Variants in SHROOM4 observed in about 807,000 individuals in gnomAD.
The protein encoded by SHROOM4 is protein Shroom4.
In SHROOM4, 17 loss-of-function variants were observed where a neutral mutation model predicts 80.3. The ratio of observed to expected loss-of-function variants is 0.21; its 90% CI spans 0.14 to 0.32. SHROOM4 has a LOEUF of 0.32. SHROOM4 is among the 10% of genes least tolerant of loss of function. The probability of loss-of-function intolerance (pLI) is 1.00; values close to 1 mark genes in which losing one functional copy is unlikely to be tolerated. For missense variants in SHROOM4, 993 were observed against 1,140.3 expected, an observed-to-expected ratio of 0.87 and a Z score of 1.86; for synonymous variants, 400 against 437.5, an observed-to-expected ratio of 0.91 and a Z score of 1.07.
chrX:50,610,806 C>T (rs1929934312), intron 5 of SHROOM4, among the ~76,000 whole-genome samples: 1 of 112,157 alleles, frequency 8.9e-6, no homozygotes, highest in Non-Finnish European at 1.9e-5. Context: ...ACAACTAGAA[C>T]ACATGATGGT....
intron 2 of SHROOM4, among the ~76,000 whole-genome samples, chrX:50,683,175 T>C (rs1932979347): frequency 9.0e-6 from 1 of 111,282 alleles, no homozygotes; most frequent in Non-Finnish European, 1.9e-5. Flanking sequence ...TTTATATATA[T>C]GTGTGTGTGC....
chrX:50,608,204 T>C lies in SHROOM4; in HGVS notation c.2958-20A>G, dbSNP rs370038398. 112 of 1,205,620 alleles carry C rather than the reference T, an allele frequency of 9.3e-5. No individual in the cohort carries two copies. In the African/African-American group the frequency reaches 1.7e-3, roughly 19 times the overall value. On this transcript the variant is annotated intron_variant, in intron 5 of 8. Transcript: ENST00000376020. ...ATTTCCCTGCAAAACATCAGATGAG[T>C]ACTGAGAAAAACAAGCAAGTTGCAG...
intron 1 of SHROOM4, among the ~76,000 whole-genome samples, chrX:50,768,201 T>C (rs1935317326): frequency 8.9e-6 from 1 of 112,251 alleles, no homozygotes; most frequent in African/African-American, 3.2e-5. Flanking sequence ...ATATAGAGGC[T>C]AATATAAACA....
At chrX:50,607,212 A>T (rs1557248660) in intron 6 of SHROOM4, among the ~76,000 whole-genome samples, 169 bp downstream of exon 6, 1 of 111,942 alleles carries the variant, frequency 8.9e-6, no homozygotes, top group Non-Finnish European at 1.9e-5. Flanking sequence ...TATTCATAAC[A>T]ATCATGTGAA....
At chrX:50,625,538 G>T (rs1205948364) in intron 5 of SHROOM4, among the ~76,000 whole-genome samples, 1 of 109,800 alleles carries the variant, frequency 9.1e-6, no homozygotes, top group Non-Finnish European at 1.9e-5. Flanking sequence ...TGACAATAAG[G>T]TTTTTTTTTC....
At chrX:50,657,285 T>C (rs1342904677) in intron 2 of SHROOM4, among the ~76,000 whole-genome samples, 1 of 111,497 alleles carries the variant, frequency 9.0e-6, no homozygotes, top group Admixed American at 9.6e-5. Flanking sequence ...CTTTCAGTAC[T>C]ATGTTTAGTA....
chrX:50,582,217 C>T (rs1557244318), downstream of SHROOM4, among the ~76,000 whole-genome samples: 1 of 111,867 alleles, frequency 8.9e-6, no homozygotes. Flanking sequence ...AGGAACTGCT[C>T]AGAACTAGAG....
rs1932339161 is a variant in SHROOM4 at position 50,657,095 on chromosome X, A to G, written c.270-18787T>C. On this transcript the variant is annotated intron_variant, in intron 2 of 8. Coordinates refer to ENST00000376020, the MANE Select transcript of SHROOM4 (RefSeq NM_020717.5). The stretch of plus-strand genomic sequence containing the variant: ...GTATAGAAACATTATTGATTTTTAC[A>G]GGGTAACTTTGTATCCTGCAACTTT... Among the ~76,000 whole-genome samples the G allele has an allele frequency of 3.6e-5, 4 of 111,570 alleles. No individual in the cohort carries two copies. In the South Asian group the frequency reaches 1.5e-3, roughly 41 times the overall value.
Position 50,607,908 on chromosome X carries a change from C to T in SHROOM4, c.3234G>A (p.Arg1078=), listed in dbSNP as rs1929762179. The T allele has an allele frequency of 8.3e-7, 1 of 1,208,982 alleles. No homozygotes were observed. The change falls in exon 6 of 9, where the codon AGG becomes AGA. Residue 1078 remains arginine (R), a synonymous_variant. Transcript: ENST00000376020. The part of the protein sequence containing the change: ...QSTRAWGQHR[R]ELFSKGDETQ... Reference sequence around the variant, plus strand: ...TCTCATCACCTTTGCTAAAGAGCTCCCTCCTATGCTGCCCCCAGGCCCGGG... The same window carrying T: ...TCTCATCACCTTTGCTAAAGAGCTCTCTCCTATGCTGCCCCCAGGCCCGGG...
At chrX:50,658,873 G>A (rs1932404484) in intron 2 of SHROOM4, among the ~76,000 whole-genome samples, 1 of 111,500 alleles carries the variant, frequency 9.0e-6, no homozygotes, top group Admixed American at 9.5e-5. Context: ...GAGTCTACAA[G>A]GAATGTGAAT....
chrX:50,716,074 A>T (rs187491255), intron 1 of SHROOM4, among the ~76,000 whole-genome samples: 2 of 110,134 alleles, frequency 1.8e-5, no homozygotes, highest in East Asian at 5.7e-4. Flanking sequence ...AACCTGGAGG[A>T]CATTACGTTA....
intron 1 of SHROOM4, among the ~76,000 whole-genome samples, chrX:50,757,206 T>C (rs1361403701): frequency 8.9e-6 from 1 of 112,510 alleles, no homozygotes; most frequent in Non-Finnish European, 1.9e-5. Flanking sequence ...ATTTTGCATG[T>C]GAATATTCTA....
intron 1 of SHROOM4, among the ~76,000 whole-genome samples, chrX:50,811,339 T>C (rs1474132597): frequency 1.8e-5 from 2 of 109,055 alleles, no homozygotes; most frequent in African/African-American, 6.7e-5. Context: ...GGCTACTAGA[T>C]TGTCATAGTA....
intron 1 of SHROOM4, among the ~76,000 whole-genome samples, chrX:50,700,617 A>G (rs950629560): frequency 8.1e-5 from 9 of 111,704 alleles, no homozygotes; most frequent in South Asian, 3.8e-4. Context: ...TGGACATGGG[A>G]GATACAGGCT....
intron 1 of SHROOM4, among the ~76,000 whole-genome samples, chrX:50,792,227 G>A (rs1263666410): frequency 1.8e-5 from 2 of 112,192 alleles, no homozygotes; most frequent in African/African-American, 3.2e-5. Context: ...GGCTGGGCAT[G>A]GTGGCTCACG....
At chrX:50,807,479 A>C (rs1329420626) in intron 1 of SHROOM4, among the ~76,000 whole-genome samples, 2 of 112,046 alleles carry the variant, frequency 1.8e-5, no homozygotes, top group African/African-American at 6.5e-5. Flanking sequence ...TATGGTTAGC[A>C]TCTTCAATCT....
Position 50,592,374 on chromosome X carries a change from A to G in SHROOM4, c.*4321T>C, listed in dbSNP as rs532828524. 2 of 259,435 alleles carry G rather than the reference A, an allele frequency of 7.7e-6. No individual in the cohort carries two copies. The highest frequency in any genetic ancestry group is 7.4e-5 in the South Asian group (2 of 27,050). The allele number at this position is 259,435 out of a possible 1,213,427, so 21.4% of individuals were successfully genotyped here. A position where few individuals can be genotyped will look rare whatever the true frequency, so the allele number is the denominator to read the frequency against. On this transcript the variant is annotated 3_prime_UTR_variant, in exon 9 of 9. Coordinates refer to ENST00000376020, the MANE Select transcript of SHROOM4 (RefSeq NM_020717.5). ...TTTTATTTATTATTTTCAAGTTACAATAACTGCAAGCAAGATAATACTGTT... is the reference window on the plus strand; with the variant it reads ...TTTTATTTATTATTTTCAAGTTACAGTAACTGCAAGCAAGATAATACTGTT...
At chrX:50,754,032 C>A (rs992932399) in intron 1 of SHROOM4, among the ~76,000 whole-genome samples, 1 of 112,065 alleles carries the variant, frequency 8.9e-6, no homozygotes, top group Non-Finnish European at 1.9e-5. Flanking sequence ...GTACTCTGTA[C>A]CTGGCACTTA....
At chrX:50,768,243 C>A (rs1557269470) in intron 1 of SHROOM4, among the ~76,000 whole-genome samples, 1 of 111,671 alleles carries the variant, frequency 9.0e-6, no homozygotes, top group Non-Finnish European at 1.9e-5. Context: ...GACTTGGATA[C>A]CATTCCTACC....
Sources: gnomAD v4.1 joint callset for allele counts (sites outside exome capture counted in the v4.1 genomes callset) on GRCh38, gnomAD v4.1.1 for gene constraint, MANE v1.5 for transcripts, NCBI Gene and HGNC (gene_info 2026-07-23, HGNC 2026-07-21) for gene names.